ACTR5: variants seen among roughly 807,000 people sequenced by gnomAD.
The protein encoded by ACTR5 is actin-related protein 5.
A neutral mutation model predicts 61.2 loss-of-function variants in ACTR5; 43 were observed. That is an observed-to-expected ratio of 0.70 (90% CI 0.55 to 0.91). ACTR5 has a LOEUF of 0.91. Among genes scored for constraint, ACTR5 ranks in the 40% least tolerant of loss-of-function variants. The pLI, the probability that ACTR5 is intolerant of heterozygous loss-of-function variation, is 0.00. For missense variants in ACTR5, 798 were observed against 782.2 expected, an observed-to-expected ratio of 1.02 and a Z score of -0.24; for synonymous variants, 333 against 310.5, an observed-to-expected ratio of 1.07 and a Z score of -0.76.
chr20:38,767,336 ATT>A (rs879087874), intron 7 of ACTR5, 126 bp from the exon 8 acceptor site: 1,482 of 680,386 alleles, frequency 2.2e-3, no homozygotes, highest in South Asian at 2.8e-3. Context: ...GAAAGTTTTG[ATT>A]TTTTTTTTTT....
In ACTR5 at chr20:38,748,804, A is replaced by G. The variant is rs1240497148; in HGVS notation, c.326A>G (p.Gln109Arg). 6.2e-7 allele frequency: 1 copy of G among 1,609,192 alleles called. No homozygotes were observed. Among genetic ancestry groups the G allele is most frequent in the East Asian group, 2.2e-5 (1 of 44,544 alleles). Reference sequence around the variant, plus strand: ...AACGTGCCGGTCAACCTGGAGCTTCAGGAGTTGCTGCTGGACTACAGCTTC... The same window carrying G: ...AACGTGCCGGTCAACCTGGAGCTTCGGGAGTTGCTGCTGGACTACAGCTTC... Reference protein sequence around the residue: ...DRNVPVNLELQELLLDYSFQH... With the variant: ...DRNVPVNLELRELLLDYSFQH... Residue 109 changes from glutamine (Q) to arginine (R), a missense_variant, in exon 1 of 9, where the codon CAG (glutamine) becomes CGG (arginine). Gln to Arg is a conservative substitution (Grantham distance 43). Coordinates refer to ENST00000243903, the MANE Select transcript of ACTR5 (RefSeq NM_024855.4).
At chr20:38,756,555 C>A (rs1416676281) in intron 5 of ACTR5, among the ~76,000 whole-genome samples, 5 of 152,180 alleles carry the variant, frequency 3.3e-5, no homozygotes, top group African/African-American at 1.2e-4. Flanking sequence ...TTTGCATAAG[C>A]TCTTTGATTT....
chr20:38,771,124 T>C (rs1469734871), intron 8 of ACTR5, among the ~76,000 whole-genome samples: 1 of 152,152 alleles, frequency 6.6e-6, no homozygotes, highest in Non-Finnish European at 1.5e-5. Flanking sequence ...TGCTGCCATT[T>C]CTCCTGAGGC....
In ACTR5 at chr20:38,755,021, T is replaced by A; in HGVS notation, c.840T>A (p.Phe280Leu). Reference sequence around the variant, plus strand: ...ATGTCCACAAGATGCAGCTCCCATTTTCCAGCAAGCTCCTGGGCAGCACTC... The same window carrying A: ...ATGTCCACAAGATGCAGCTCCCATTATCCAGCAAGCTCCTGGGCAGCACTC... Reference protein sequence around the residue: ...ENNVHKMQLPFSSKLLGSTLT... With the variant: ...ENNVHKMQLPLSSKLLGSTLT... The change falls in exon 4 of 9, where the codon TTT becomes TTA. Residue 280 changes from phenylalanine (F) to leucine (L), a missense_variant. Physicochemically the swap from Phe to Leu is conservative, Grantham distance 22. Coordinates refer to ENST00000243903, the MANE Select transcript of ACTR5 (RefSeq NM_024855.4). 6.2e-7 allele frequency: 1 copy of A among 1,614,260 alleles called. No homozygotes were observed. The highest frequency in any genetic ancestry group is 2.2e-5 in the East Asian group (1 of 44,882).
Position 38,756,017 on chromosome 20 carries a change from A to G in ACTR5, c.1154A>G (p.Asp385Gly). 1.2e-6 allele frequency: 2 copies of G among 1,613,154 alleles called. No individual in the cohort carries two copies. Among genetic ancestry groups the G allele is most frequent in the Non-Finnish European group, 1.7e-6 (2 of 1,179,930 alleles). Residue 385 changes from aspartate to glycine, a missense_variant, in exon 5 of 9, where the codon GAT becomes GGT. Physicochemically the swap from Asp to Gly is moderately conservative, Grantham distance 94 (BLOSUM62 -1). Transcript: ENST00000243903. ...CAAGCGGAAGTCAACCTCGAGGTGG[A>G]TGTGGTAGACAGCAAGCCAGAGGTA... ...ILQAEVNLEVDVVDSKPETPD... is the reference protein window; with the variant it reads ...ILQAEVNLEVGVVDSKPETPD...
intron 6 of ACTR5, 48 bp downstream of exon 6, chr20:38,765,566 C>T (rs755920106): frequency 1.4e-5 from 20 of 1,478,492 alleles, no homozygotes; most frequent in Non-Finnish European, 1.5e-5. Context: ...AAGGTGTTGA[C>T]CTAAATGGCT....
intron 5 of ACTR5, among the ~76,000 whole-genome samples, chr20:38,756,434 G>A (rs970865564): frequency 1.3e-5 from 2 of 152,158 alleles, no homozygotes; most frequent in African/African-American, 4.8e-5. Context: ...TAAGGACAGG[G>A]ATCATGCTTC....
In ACTR5 at chr20:38,748,691, G is replaced by C; in HGVS notation, c.213G>C (p.Gly71=). 6.6e-7 allele frequency: 1 copy of C among 1,520,312 alleles called. No individual in the cohort carries two copies. The highest frequency in any genetic ancestry group is 8.8e-7 in the Non-Finnish European group (1 of 1,135,794). The allele number at this position is 1,520,312 out of a possible 1,614,324, so 94.2% of individuals were successfully genotyped here. A position where few individuals can be genotyped will look rare whatever the true frequency, so the allele number is the denominator to read the frequency against. ...FRAVCARGRG[G]ARGASGPQVG... is the part of the protein sequence containing the mutation. Reference sequence around the variant, plus strand: ...CGGTGTGCGCCCGCGGTCGTGGCGGGGCACGGGGCGCGTCGGGCCCGCAGG... The same window carrying C: ...CGGTGTGCGCCCGCGGTCGTGGCGGCGCACGGGGCGCGTCGGGCCCGCAGG... The change falls in exon 1 of 9, where the codon GGG becomes GGC. Residue 71 remains glycine, a synonymous_variant. Coordinates refer to ENST00000243903, the MANE Select transcript of ACTR5 (RefSeq NM_024855.4).
chr20:38,766,448 A>G, intron 7 of ACTR5, 71 bp downstream of exon 7: 1 of 1,502,636 alleles, frequency 6.7e-7, no homozygotes, highest in Non-Finnish European at 8.9e-7. Context: ...TGAATGGTAG[A>G]TTTGATGGTC....
Position 38,755,145 on chromosome 20 carries a change from G to C in ACTR5, c.964G>C (p.Glu322Gln). The C allele has an allele frequency of 1.2e-6, 2 of 1,613,314 alleles. No homozygotes were observed. The highest frequency in any genetic ancestry group is 1.7e-6 in the Non-Finnish European group (2 of 1,179,648). The change falls in exon 4 of 9, where the codon GAG becomes CAG. Residue 322 changes from glutamate to glutamine, a missense_variant. Transcript: ENST00000243903. ...GGAGGAGAAGCTGCAGCTGGATCAG[G>C]AGCGTCTGGACCGACTGCTATATGT... ...RREEKLQLDQERLDRLLYVQE... is the reference protein window; with the variant it reads ...RREEKLQLDQQRLDRLLYVQE...
chr20:38,766,502 G>T, intron 7 of ACTR5, 125 bp downstream of exon 7: 3 of 1,235,980 alleles, frequency 2.4e-6, no homozygotes, highest in Non-Finnish European at 3.3e-6. Context: ...TCATTGACTT[G>T]CTGTGCTCAG....
At chr20:38,751,984 C>T (rs2084389677) in intron 2 of ACTR5, 147 bp from the exon 3 acceptor site, 1 of 900,956 alleles carries the variant, frequency 1.1e-6, no homozygotes, top group Non-Finnish European at 1.6e-6. Flanking sequence ...AGGGGAACTT[C>T]AACGTCCCTT....
intron 8 of ACTR5, among the ~76,000 whole-genome samples, 166 bp from the exon 9 acceptor site, chr20:38,771,393 C>T (rs2084519215): frequency 1.3e-5 from 2 of 152,184 alleles, no homozygotes; most frequent in Admixed American, 6.5e-5. Context: ...TTCCAGCTCA[C>T]CTTTGTTTAC....
In ACTR5 at chr20:38,755,863, C is replaced by G. The variant is rs2084417175; in HGVS notation, c.1000C>G (p.Leu334Val). 3.1e-6 allele frequency: 5 copies of G among 1,614,090 alleles called. No individual in the cohort carries two copies. Among genetic ancestry groups the G allele is most frequent in the Non-Finnish European group, 4.2e-6 (5 of 1,179,990 alleles). ...LDRLLYVQELLEDGQMDQFHK... is the reference protein window; with the variant it reads ...LDRLLYVQELVEDGQMDQFHK... ...GTGACTGCTCTGTTTTCAGGAACTT[C>G]TAGAGGATGGCCAGATGGATCAGTT... is the stretch of plus-strand genomic sequence containing the variant. The change falls in exon 5 of 9, where the codon CTA (leucine) becomes GTA (valine). Residue 334 changes from leucine to valine, a missense_variant. Coordinates refer to ENST00000243903, the MANE Select transcript of ACTR5 (RefSeq NM_024855.4).
At chr20:38,755,341 G>T (rs2084413782) in intron 4 of ACTR5, among the ~76,000 whole-genome samples, 167 bp downstream of exon 4, 1 of 152,218 alleles carries the variant, frequency 6.6e-6, no homozygotes, top group Admixed American at 6.5e-5. Context: ...TGTAGAAGCA[G>T]CTGTTTCTGA....
At chr20:38,755,752 G>C in intron 4 of ACTR5, 105 bp from the exon 5 acceptor site, 2 of 1,240,252 alleles carry the variant, frequency 1.6e-6, no homozygotes, top group Admixed American at 3.9e-5. Context: ...GCGTGGCTCT[G>C]GGCAGGGTAG....
At chr20:38,751,787 G>T (rs1224608069) in intron 2 of ACTR5, among the ~76,000 whole-genome samples, 3 of 152,184 alleles carry the variant, frequency 2.0e-5, no homozygotes, top group Admixed American at 2.0e-4. Flanking sequence ...CCCCAGAGCA[G>T]CTGTGTCCTG....
chr20:38,755,116 G>A lies in ACTR5; in HGVS notation c.935G>A (p.Arg312Gln), dbSNP rs762814710. 1.1e-5 allele frequency: 18 copies of A among 1,613,896 alleles called. No individual in the cohort carries two copies. The highest frequency in any genetic ancestry group is 4.5e-5 in the East Asian group (2 of 44,904). The change falls in exon 4 of 9, where the codon CGG becomes CAG. Residue 312 changes from arginine (R) to glutamine (Q), a missense_variant. Physicochemically the swap from Arg to Gln is conservative, Grantham distance 43. Coordinates refer to ENST00000243903, the MANE Select transcript of ACTR5 (RefSeq NM_024855.4). ...CGGCTGCAGGAGCTCAATGCCCGGC[G>A]GCGGGAGGAGAAGCTGCAGCTGGAT... ...LRRLQELNARRREEKLQLDQE... is the reference protein window; with the variant it reads ...LRRLQELNARQREEKLQLDQE...
chr20:38,753,216 G>A (rs927263338), intron 3 of ACTR5, among the ~76,000 whole-genome samples: 1 of 151,692 alleles, frequency 6.6e-6, no homozygotes. Flanking sequence ...TTTTTTTTTA[G>A]TTAACTTTTT....
Sources: allele counts gnomAD v4.1 joint callset (sites outside exome capture counted in the v4.1 genomes callset), GRCh38; gene constraint gnomAD v4.1.1; transcripts MANE v1.5; gene names NCBI Gene and HGNC (gene_info 2026-07-23, HGNC 2026-07-21).